NUAK1: variants seen among roughly 807,000 people sequenced by gnomAD.
The protein encoded by NUAK1 is NUAK family SNF1-like kinase 1.
A neutral mutation model predicts 56.9 loss-of-function variants in NUAK1; 26 were observed. The observed-to-expected ratio is 0.46, with a 90% CI of 0.33 to 0.63. NUAK1 has a LOEUF of 0.63. NUAK1 is among the 30% of genes least tolerant of loss of function. NUAK1 has a pLI of 0.02. For missense variants in NUAK1, 727 were observed against 876.1 expected (o/e 0.83, Z 2.15); for synonymous variants, 337 against 336.0 (o/e 1.00, Z -0.03).
intron 1 of NUAK1, among the ~76,000 whole-genome samples, chr12:106,112,721 G>C (rs1175187401): frequency 6.6e-6 from 1 of 152,104 alleles, no homozygotes; most frequent in Non-Finnish European, 1.5e-5. Context: ...CTACATGAAT[G>C]TATTTCAGAA....
chr12:106,070,647 TG>T, intron 6 of NUAK1, 126 bp downstream of exon 6: 1 of 1,276,750 alleles, frequency 7.8e-7, no homozygotes, highest in Non-Finnish European at 1.1e-6. Context: ...ATGACACTTC[TG>T]GGAAGAAGAA....
At chr12:106,110,413 C>T (rs2032846812) in intron 1 of NUAK1, among the ~76,000 whole-genome samples, 1 of 152,160 alleles carries the variant, frequency 6.6e-6, no homozygotes, top group Admixed American at 6.5e-5. Flanking sequence ...ATAAGCAAAA[C>T]TCACACCAGT....
chr12:106,138,070 G>T lies in NUAK1; in HGVS notation c.240+344C>A, dbSNP rs1029447014. On this transcript the variant is annotated intron_variant, in intron 1 of 6. Coordinates refer to ENST00000261402, the MANE Select transcript of NUAK1 (RefSeq NM_014840.3). This position sits in a 1 kb window ranked among gnomAD's most constrained non-coding sequence, Gnocchi z 5.0. ...TGGAAATAAGACGTTTCGGGGCATG[G>T]TCTAAATGAGTGCCTGCGAGGGAGA... is the stretch of plus-strand genomic sequence containing the variant. Among the ~76,000 whole-genome samples the T allele has an allele frequency of 6.6e-6, 1 of 152,216 alleles. No homozygotes were observed. Among genetic ancestry groups the T allele is most frequent in the Non-Finnish European group, 1.5e-5 (1 of 68,042 alleles).
Position 106,064,162 on chromosome 12 carries a change from T to C in NUAK1, c.*2640A>G, listed in dbSNP as rs2032309355. 1 of 152,622 alleles carries C rather than the reference T, an allele frequency of 6.6e-6. No homozygotes were observed. The allele number at this position is 152,622 out of a possible 1,614,324, so 9.5% of individuals were successfully genotyped here. A position where few individuals can be genotyped will look rare whatever the true frequency, so the allele number is the denominator to read the frequency against. ...TCCACAGAAGTGAATAAAGCATAAC[T>C]TCTTTGACTGGGATTGGCTGGTAGG... On this transcript the variant is annotated 3_prime_UTR_variant, in exon 7 of 7. Transcript: ENST00000261402.
intron 2 of NUAK1, among the ~76,000 whole-genome samples, chr12:106,095,963 G>A (rs1174903121): frequency 1.3e-5 from 2 of 152,112 alleles, no homozygotes; most frequent in Admixed American, 6.5e-5. Flanking sequence ...GACTCGGCAG[G>A]TTAAAAGTTA....
chr12:106,085,795 C>T (rs1184282495), intron 3 of NUAK1, among the ~76,000 whole-genome samples: 2 of 152,178 alleles, frequency 1.3e-5, no homozygotes, highest in African/African-American at 2.4e-5. Context: ...CAGCCCCAAA[C>T]TGCTGTGCTC....
rs1448313760 is a variant in NUAK1 at position 106,067,289 on chromosome 12, C to A, written c.1499G>T (p.Ser500Ile). 1 of 1,614,110 alleles carries A rather than the reference C, an allele frequency of 6.2e-7. No homozygotes were observed. Residue 500 changes from serine to isoleucine, a missense_variant, in exon 7 of 7, where the codon AGC becomes ATC. Transcript: ENST00000261402. The surrounding 1 kb of genome is among the most constrained non-coding windows in gnomAD (Gnocchi z 6.0). ...GTCCGGGGGGCTGGGGGAGGGGATG[C>A]TGCTGCCCATCACATCATTACTGTC... ...LLDSNDVMGS[S>I]IPSPSPPDPA...
rs375170008 is a variant in NUAK1 at position 106,066,994 on chromosome 12, G to A, written c.1794C>T (p.Ile598=). 27 of 1,614,258 alleles carry A rather than the reference G, an allele frequency of 1.7e-5. No homozygotes were observed. Among genetic ancestry groups the A allele is most frequent in the Admixed American group, 6.7e-5 (4 of 60,034 alleles). ...LQENRPARQR[I]RSCVSAENFL... Reference sequence around the variant, plus strand: ...AGTTTTCTGCAGAGACGCAGCTGCGGATGCGCTGGCGGGCAGGGCGATTCT... The same window carrying A: ...AGTTTTCTGCAGAGACGCAGCTGCGAATGCGCTGGCGGGCAGGGCGATTCT... Residue 598 remains isoleucine (I), a synonymous_variant, in exon 7 of 7, where the codon ATC becomes ATT. Coordinates refer to ENST00000261402, the MANE Select transcript of NUAK1 (RefSeq NM_014840.3).
At chr12:106,120,516 G>A (rs1387392137) in intron 1 of NUAK1, among the ~76,000 whole-genome samples, 2 of 151,822 alleles carry the variant, frequency 1.3e-5, no homozygotes, top group Non-Finnish European at 2.9e-5. Context: ...ACGATGTCGG[G>A]GGCAAAGTGA....
At chr12:106,136,535 C>T (rs761093433) in intron 1 of NUAK1, among the ~76,000 whole-genome samples, 1 of 152,238 alleles carries the variant, frequency 6.6e-6, no homozygotes, top group Non-Finnish European at 1.5e-5. Flanking sequence ...GGAAGTCCCA[C>T]TGACGCTCAG....
intron 1 of NUAK1, among the ~76,000 whole-genome samples, chr12:106,115,828 G>C (rs2032911883): frequency 1.3e-5 from 2 of 152,192 alleles, no homozygotes; most frequent in African/African-American, 4.8e-5. Flanking sequence ...CCTCAAGGAG[G>C]CTGGGGCAGG....
intron 6 of NUAK1, among the ~76,000 whole-genome samples, chr12:106,069,075 G>T (rs942667115): frequency 1.3e-4 from 20 of 152,278 alleles, no homozygotes; most frequent in Admixed American, 6.5e-4. Context: ...TATATATAGA[G>T]AGAGAGATAA....
chr12:106,072,193 TTTTG>T (rs1163154818), intron 5 of NUAK1, among the ~76,000 whole-genome samples: 10 of 152,034 alleles, frequency 6.6e-5, no homozygotes, highest in South Asian at 4.2e-4. Context: ...TGAGGCAATT[TTTTG>T]TTTGTTTGTT....
Position 106,086,668 on chromosome 12 carries a change from GA to G in NUAK1, c.513+65del, listed in dbSNP as rs1449315936. The G allele has an allele frequency of 4.0e-5, 61 of 1,517,552 alleles. 1 individual carries two copies. The African/African-American group carries it at 6.4e-4, about 16-fold the overall frequency. 94.0% of individuals were successfully genotyped at this position (1,517,552 alleles called of 1,614,324 possible). On this transcript the variant is annotated intron_variant, in intron 3 of 6. Transcript: ENST00000261402. ...TGAACAGATATCACTTTTATAATAG[GA>G]AAAAAATCATGCAGTGCCATAAAAA...
intron 2 of NUAK1, among the ~76,000 whole-genome samples, chr12:106,105,164 G>A (rs138297125): frequency 0.014 from 2,080 of 152,092 alleles, 46 homozygotes; most frequent in African/African-American, 0.047. Flanking sequence ...TGTTGGCCAG[G>A]CTGGTCTCGA....
Position 106,106,931 on chromosome 12 carries a change from C to G in NUAK1, c.241-406G>C, listed in dbSNP as rs1437509004. Among the ~76,000 whole-genome samples, 9 of 152,322 alleles carry G rather than the reference C, an allele frequency of 5.9e-5. No individual in the cohort carries two copies. In the South Asian group the frequency reaches 1.9e-3, roughly 32 times the overall value. On this transcript the variant is annotated intron_variant, in intron 1 of 6. Coordinates refer to ENST00000261402, the MANE Select transcript of NUAK1 (RefSeq NM_014840.3). ...TAGGTGAAATTGGTACCACTCAGTT[C>G]CACTGTGCAGCTGCCACAGCAGTGG...
In NUAK1 at chr12:106,067,416, G is replaced by C. The variant is rs373657293; in HGVS notation, c.1372C>G (p.Gln458Glu). The C allele has an allele frequency of 1.2e-6, 2 of 1,614,208 alleles. No homozygotes were observed. Among genetic ancestry groups the C allele is most frequent in the South Asian group, 2.2e-5 (2 of 91,082 alleles). ...AEVPGKLSPK[Q>E]SATMPKKGIL... The stretch of plus-strand genomic sequence containing the variant: ...CCTTTCTTGGGCATCGTGGCCGACT[G>C]CTTGGGGCTGAGTTTTCCCGGCACC... The change falls in exon 7 of 7, where the codon CAG (glutamine) becomes GAG (glutamate). Residue 458 changes from glutamine (Q) to glutamate (E), a missense_variant. Transcript: ENST00000261402. The surrounding 1 kb of genome is among the most constrained non-coding windows in gnomAD (Gnocchi z 6.0).
rs141739352 is a variant in NUAK1, at chr12:106,096,125, C to T, written c.362-9240G>A. On this transcript the variant is annotated intron_variant, in intron 2 of 6. Coordinates refer to ENST00000261402, the MANE Select transcript of NUAK1 (RefSeq NM_014840.3). ...TTAAGAAAGCTATCCCAGTTCATTC[C>T]GAAAGACCCCATAGTAAAGGGCAAT... Among the ~76,000 whole-genome samples, 7 of 152,166 alleles carry T rather than the reference C, an allele frequency of 4.6e-5. No individual in the cohort carries two copies. The South Asian group carries it at 8.3e-4, about 18-fold the overall frequency.
In NUAK1 at chr12:106,090,463, C is replaced by A. The variant is rs555416645; in HGVS notation, c.362-3578G>T. 1.5e-4 allele frequency among the ~76,000 whole-genome samples: 23 copies of A among 152,306 alleles called. No homozygotes were observed. In the East Asian group the frequency reaches 4.3e-3, roughly 28 times the overall value. On this transcript the variant is annotated intron_variant, in intron 2 of 6. Coordinates refer to ENST00000261402, the MANE Select transcript of NUAK1 (RefSeq NM_014840.3). ...TGCAGGCACCATGCTAATAATCATT[C>A]TGCATGAATTACATCATAAGGATTC...
Sources: allele counts gnomAD v4.1 joint callset (sites outside exome capture counted in the v4.1 genomes callset), GRCh38; gene constraint gnomAD v4.1.1; non-coding constraint Gnocchi (gnomAD v3.1); transcripts MANE v1.5; gene names NCBI Gene and HGNC (gene_info 2026-07-23, HGNC 2026-07-21).